DLGAP2: variants seen among roughly 807,000 people sequenced by gnomAD.
DLGAP2 encodes DLG associated protein 2.
A neutral mutation model predicts 100.3 loss-of-function variants in DLGAP2; 26 were observed. The observed-to-expected ratio is 0.26, with a 90% CI of 0.19 to 0.36. The LOEUF (loss-of-function observed/expected upper bound fraction) is 0.36. DLGAP2 is among the 10% of genes least tolerant of loss of function. The pLI is 1.00. For synonymous variants in DLGAP2, 886 were observed against 630.1 expected (o/e 1.41, Z -6.08); for missense variants, 1,858 against 1,453.2 (o/e 1.28, Z -4.53).
At chr8:1,064,864 G>A (rs145185101) in intron 2 of DLGAP2, among the ~76,000 whole-genome samples, 90 of 152,282 alleles carry the variant, frequency 5.9e-4, no homozygotes, top group Non-Finnish European at 9.6e-4. Flanking sequence ...GCACACACCT[G>A]GCCCCTGCAC....
chr8:772,412 T>C (rs1328105748), intron 1 of DLGAP2, among the ~76,000 whole-genome samples: 1 of 152,148 alleles, frequency 6.6e-6, no homozygotes, highest in African/African-American at 2.4e-5. Context: ...AAGCTCCGCC[T>C]CCCAGGTTCA....
chr8:1,147,016 T>C (rs1005947346), intron 2 of DLGAP2, among the ~76,000 whole-genome samples: 3 of 152,010 alleles, frequency 2.0e-5, no homozygotes, highest in Admixed American at 6.6e-5. Context: ...GCCTCTCAGT[T>C]TTTAAAGAAC....
chr8:1,606,615 A>C (rs962653534), intron 6 of DLGAP2, among the ~76,000 whole-genome samples: 3 of 152,200 alleles, frequency 2.0e-5, no homozygotes, highest in African/African-American at 7.2e-5. Context: ...TTATTTACCC[A>C]TCCATCATGG....
chr8:1,090,048 ACCCCGAGGAC>A (rs1804121363), intron 2 of DLGAP2, among the ~76,000 whole-genome samples: 1 of 141,122 alleles, frequency 7.1e-6, no homozygotes, highest in African/African-American at 2.7e-5. Context: ...GGAAACTCAT[ACCCCGAGGAC>A]CTGCTGCCTG....
chr8:1,008,834 G>A (rs995584366), intron 2 of DLGAP2, among the ~76,000 whole-genome samples: 2 of 152,350 alleles, frequency 1.3e-5, no homozygotes, highest in East Asian at 3.9e-4. Flanking sequence ...GAGGGGCCCC[G>A]GGCCTCCTAG....
chr8:1,459,726 C>G (rs1459036068), intron 3 of DLGAP2, among the ~76,000 whole-genome samples: 3 of 139,298 alleles, frequency 2.2e-5, no homozygotes, highest in African/African-American at 8.1e-5. Flanking sequence ...TGTTCTGTCA[C>G]CCATGCTGGA....
At chr8:1,362,963 T>G (rs933630971) in intron 3 of DLGAP2, among the ~76,000 whole-genome samples, 2 of 152,124 alleles carry the variant, frequency 1.3e-5, no homozygotes, top group African/African-American at 4.8e-5. Flanking sequence ...CTCAGGGGAT[T>G]TGAGGGCCTG....
intron 2 of DLGAP2, among the ~76,000 whole-genome samples, chr8:1,218,933 T>C (rs1798264373): frequency 6.6e-6 from 1 of 152,188 alleles, no homozygotes; most frequent in Non-Finnish European, 1.5e-5. Context: ...GCTTGGATGT[T>C]ATTGGTGAAT....
chr8:886,005 A>G (rs1371789287), intron 1 of DLGAP2, among the ~76,000 whole-genome samples: 10 of 152,206 alleles, frequency 6.6e-5, no homozygotes, highest in Admixed American at 6.5e-5. Flanking sequence ...TTCTGGTAGA[A>G]TTCAGCTGTG....
At position 781,306 on chromosome 8, in the gene DLGAP2, G is replaced by A. The variant is rs149423907; in HGVS notation, c.18+43481G>A. 1.8e-4 allele frequency among the ~76,000 whole-genome samples: 28 copies of A among 152,090 alleles called. No individual in the cohort carries two copies. In the East Asian group the frequency reaches 2.7e-3, roughly 15 times the overall value. On this transcript the variant is annotated intron_variant, in intron 1 of 14. Coordinates refer to ENST00000637795, the MANE Select transcript of DLGAP2 (RefSeq NM_001346810.2). ...ATGTTTTCTCTATTATTTAAATGAC[G>A]TTAAGTTTTTTCTTACTATTTCTTG... is the stretch of plus-strand genomic sequence containing the variant.
chr8:814,677 C>G (rs1796430787), intron 1 of DLGAP2, among the ~76,000 whole-genome samples: 1 of 150,788 alleles, frequency 6.6e-6, no homozygotes, highest in Admixed American at 6.6e-5. Context: ...GAAACCCCGT[C>G]TCTACTAAAA....
intron 1 of DLGAP2, among the ~76,000 whole-genome samples, chr8:869,085 C>G (rs1797551073): frequency 6.6e-6 from 1 of 152,112 alleles, no homozygotes; most frequent in African/African-American, 2.4e-5. Flanking sequence ...CTGCCCTGGG[C>G]CCTCCCTTCC....
chr8:1,407,386 G>A (rs1585340500), intron 3 of DLGAP2, among the ~76,000 whole-genome samples: 1 of 111,406 alleles, frequency 9.0e-6, no homozygotes, highest in Non-Finnish European at 1.9e-5. Context: ...GTCCTCCGGA[G>A]TCCTGTATTG....
chr8:1,416,259 C>A (rs1181908043), intron 3 of DLGAP2, among the ~76,000 whole-genome samples: 2 of 152,154 alleles, frequency 1.3e-5, no homozygotes, highest in East Asian at 1.9e-4. Context: ...TGGCGACCAG[C>A]CCGGCCTGGC....
In DLGAP2 at chr8:1,702,221, T is replaced by C. The variant is rs1209763669; in HGVS notation, c.*815T>C. Reference sequence around the variant, plus strand: ...TCCTTACTTGTAAACAGTTATTGTATTTTTTATTTCTTTCTAACTTAAAAT... The same window carrying C: ...TCCTTACTTGTAAACAGTTATTGTACTTTTTATTTCTTTCTAACTTAAAAT... On this transcript the variant is annotated 3_prime_UTR_variant, in exon 15 of 15. Transcript: ENST00000637795. 1 of 149,192 alleles carries C rather than the reference T, an allele frequency of 6.7e-6. No homozygotes were observed. Among genetic ancestry groups the C allele is most frequent in the Non-Finnish European group, 1.5e-5 (1 of 66,616 alleles). The allele number at this position is 149,192 out of a possible 1,614,324, so 9.2% of individuals were successfully genotyped here. A position where few individuals can be genotyped will look rare whatever the true frequency, so the allele number is the denominator to read the frequency against.
intron 3 of DLGAP2, among the ~76,000 whole-genome samples, chr8:1,267,627 T>TAAA (rs61003863): frequency 0.35 from 13,387 of 38,196 alleles, 2,872 homozygotes; most frequent in Non-Finnish European, 0.4. Context: ...ATAAGATAAA[T>TAAA]ATTAAATAGG....
At chr8:1,587,434 A>T (rs181383398) in intron 6 of DLGAP2, among the ~76,000 whole-genome samples, 8 of 152,216 alleles carry the variant, frequency 5.3e-5, no homozygotes, top group Middle Eastern at 3.4e-3. Context: ...TTCTGCTTTT[A>T]TTGCTATTTC....
At chr8:1,683,096 A>G (rs1799000615) in intron 12 of DLGAP2, among the ~76,000 whole-genome samples, 1 of 151,614 alleles carries the variant, frequency 6.6e-6, no homozygotes, top group Non-Finnish European at 1.5e-5. Context: ...GACCTAACTG[A>G]TTACCTAACA....
rs59220880 is a variant in DLGAP2, at chr8:1,683,954, G to GTATA, written c.2704+5356_2704+5359dup. Among the ~76,000 whole-genome samples the GTATA allele has an allele frequency of 7.8e-3, 583 of 74,686 alleles. 17 individuals are homozygous for GTATA. Among genetic ancestry groups the GTATA allele is most frequent in the African/African-American group, 0.023 (374 of 16,328 alleles). 49.0% of individuals were successfully genotyped at this position (74,686 alleles called of 152,430 possible). ...TATATATGTGTATATATATATGTGT[G>GTATA]TATATATATATATATATATATATAT... is the stretch of plus-strand genomic sequence containing the variant. On this transcript the variant is annotated intron_variant, in intron 12 of 14. Transcript: ENST00000637795.
Sources: gnomAD v4.1 joint callset for allele counts (sites outside exome capture counted in the v4.1 genomes callset) on GRCh38, gnomAD v4.1.1 for gene constraint, MANE v1.5 for transcripts, NCBI Gene and HGNC (gene_info 2026-07-23, HGNC 2026-07-21) for gene names.